The following BMPR1B variants were observed in gnomAD, a reference collection of about 807,000 sequenced individuals.
The protein encoded by BMPR1B is bone morphogenetic protein receptor type-1B.
BMPR1B carries 12 observed loss-of-function variants against 59.1 expected under a neutral mutation model. The observed-to-expected ratio is 0.20, with a 90% CI of 0.13 to 0.33. BMPR1B has a LOEUF of 0.33. Among genes scored for constraint, BMPR1B ranks in the 10% least tolerant of loss-of-function variants. BMPR1B has a pLI of 1.00. For missense variants in BMPR1B, 550 were observed against 610.9 expected, an observed-to-expected ratio of 0.90 and a Z score of 1.05; for synonymous variants, 237 against 207.3, an observed-to-expected ratio of 1.14 and a Z score of -1.23.
chr4:94,875,660 G>A (rs1726697468), intron 1 of BMPR1B, among the ~76,000 whole-genome samples, 171 bp from the exon 2 acceptor site: 1 of 152,180 alleles, frequency 6.6e-6, no homozygotes, highest in Middle Eastern at 3.2e-3. Context: ...CTCCAGCCTG[G>A]GCGATGGAGC....
chr4:95,132,672 AT>A (rs1444999182), intron 10 of BMPR1B, among the ~76,000 whole-genome samples: 1 of 151,488 alleles, frequency 6.6e-6, no homozygotes, highest in African/African-American at 2.4e-5. Flanking sequence ...AAAAAAAAAA[AT>A]CCCACAATGC....
intron 1 of BMPR1B, among the ~76,000 whole-genome samples, chr4:94,774,871 T>G (rs1472660057): frequency 6.6e-6 from 1 of 152,184 alleles, no homozygotes; most frequent in East Asian, 1.9e-4. Context: ...GTTGATTAAC[T>G]GACTTTCTTT....
chr4:94,896,657 C>G (rs941504686), intron 2 of BMPR1B, among the ~76,000 whole-genome samples: 4 of 151,920 alleles, frequency 2.6e-5, no homozygotes, highest in Admixed American at 2.6e-4. Flanking sequence ...GTAATTATAA[C>G]TTTTTTTGCA....
chr4:95,060,903 G>T (rs1727309537), intron 3 of BMPR1B, among the ~76,000 whole-genome samples: 1 of 152,034 alleles, frequency 6.6e-6, no homozygotes. Flanking sequence ...ATATTATTTT[G>T]TGGATTCTTG....
chr4:95,031,791 G>A (rs1384112432), intron 3 of BMPR1B, among the ~76,000 whole-genome samples: 3 of 152,072 alleles, frequency 2.0e-5, no homozygotes, highest in African/African-American at 4.8e-5. Context: ...ACTGGACAGG[G>A]TGGCTCACTC....
At chr4:95,062,306 TTATTC>T (rs1323872411) in intron 3 of BMPR1B, among the ~76,000 whole-genome samples, 1 of 152,198 alleles carries the variant, frequency 6.6e-6, no homozygotes, top group African/African-American at 2.4e-5. Flanking sequence ...GATTTCCTAT[TTATTC>T]TAATATATGC....
chr4:94,817,304 T>G (rs1337399263), intron 1 of BMPR1B, among the ~76,000 whole-genome samples: 4 of 152,254 alleles, frequency 2.6e-5, no homozygotes, highest in Non-Finnish European at 5.9e-5. Context: ...TTGAGAATTC[T>G]TGGCTGGTAT....
intron 2 of BMPR1B, among the ~76,000 whole-genome samples, chr4:94,941,989 A>T (rs1282455372): frequency 1.3e-5 from 2 of 152,240 alleles, no homozygotes; most frequent in African/African-American, 4.8e-5. Context: ...AAAAGGAATT[A>T]TCTGGTTACA....
At chr4:95,017,035 A>G (rs901850953) in intron 3 of BMPR1B, among the ~76,000 whole-genome samples, 1 of 152,182 alleles carries the variant, frequency 6.6e-6, no homozygotes, top group Non-Finnish European at 1.5e-5. Flanking sequence ...TAGGGAAAAC[A>G]TTCACTTTGT....
intron 10 of BMPR1B, 132 bp downstream of exon 10, chr4:95,131,644 C>T: frequency 9.4e-7 from 1 of 1,067,592 alleles, no homozygotes; most frequent in Non-Finnish European, 1.4e-6. Flanking sequence ...GGGAGAACCA[C>T]CAAACATTTT....
At chr4:94,899,327 G>A (rs1049540835) in intron 2 of BMPR1B, among the ~76,000 whole-genome samples, 2 of 150,378 alleles carry the variant, frequency 1.3e-5, no homozygotes, top group Non-Finnish European at 3.0e-5. Context: ...CCAGCCATTA[G>A]GACCTGACTT....
chr4:95,098,779 C>T (rs539735051), intron 3 of BMPR1B, among the ~76,000 whole-genome samples: 5 of 152,122 alleles, frequency 3.3e-5, no homozygotes, highest in Non-Finnish European at 5.9e-5. Context: ...TGCAGTGGCG[C>T]GATCTGGGCT....
At chr4:94,836,915 C>T (rs1172408662) in intron 1 of BMPR1B, among the ~76,000 whole-genome samples, 1 of 149,286 alleles carries the variant, frequency 6.7e-6, no homozygotes, top group Non-Finnish European at 1.5e-5. Flanking sequence ...ATCTTTAATC[C>T]ATCTTGAATT....
intron 1 of BMPR1B, among the ~76,000 whole-genome samples, chr4:94,786,560 A>G (rs942569819): frequency 1.3e-4 from 20 of 151,944 alleles, no homozygotes; most frequent in Non-Finnish European, 2.6e-4. Context: ...TTTTTTTGAG[A>G]CGGAGTCTCG....
chr4:94,952,583 T>G (rs1729989333), intron 2 of BMPR1B, among the ~76,000 whole-genome samples: 1 of 152,246 alleles, frequency 6.6e-6, no homozygotes. Flanking sequence ...AGTGAGTTTC[T>G]TAATTCTGAG....
At chr4:94,879,705 A>T (rs980482231) in intron 2 of BMPR1B, among the ~76,000 whole-genome samples, 6 of 152,172 alleles carry the variant, frequency 3.9e-5, no homozygotes, top group Admixed American at 1.3e-4. Flanking sequence ...AGATCTTTAA[A>T]TTTTTTTCCC....
At chr4:94,968,691 A>G (rs780881156) in intron 2 of BMPR1B, among the ~76,000 whole-genome samples, 5 of 152,188 alleles carry the variant, frequency 3.3e-5, no homozygotes, top group Admixed American at 6.5e-5. Flanking sequence ...TCCAGGCTCT[A>G]TTCTCTGTTA....
chr4:95,156,655 A>C lies in BMPR1B; in HGVS notation c.*1982A>C, dbSNP rs1281377242. The stretch of plus-strand genomic sequence containing the variant: ...AAGAATTTCGTAATCCTTGAAATTG[A>C]AAAAAAAAAAATTGTGTTTTTAAAG... On this transcript the variant is annotated 3_prime_UTR_variant, in exon 13 of 13. Transcript: ENST00000515059. 7.1e-6 allele frequency: 1 copy of C among 140,558 alleles called. No homozygotes were observed. Among genetic ancestry groups the C allele is most frequent in the Non-Finnish European group, 1.5e-5 (1 of 65,438 alleles). The allele number at this position is 140,558 out of a possible 1,614,324, so 8.7% of individuals were successfully genotyped here. A position where few individuals can be genotyped will look rare whatever the true frequency, so the allele number is the denominator to read the frequency against.
chr4:95,102,773 C>T (rs966872356), intron 3 of BMPR1B, among the ~76,000 whole-genome samples: 1 of 152,078 alleles, frequency 6.6e-6, no homozygotes, highest in Non-Finnish European at 1.5e-5. Context: ...GACGAGCATA[C>T]TATATAGAAA....
Sources: gnomAD v4.1 joint callset for allele counts (sites outside exome capture counted in the v4.1 genomes callset) on GRCh38, gnomAD v4.1.1 for gene constraint, MANE v1.5 for transcripts, NCBI Gene and HGNC (gene_info 2026-07-23, HGNC 2026-07-21) for gene names.